Variants in TNPO1 observed in about 807,000 individuals in gnomAD.
TNPO1 encodes transportin-1.
In TNPO1, 8 loss-of-function variants were observed where a neutral mutation model predicts 119.5. That is an observed-to-expected ratio of 0.07 (90% CI 0.04 to 0.12). The LOEUF is 0.12. TNPO1 is among the 10% of genes least tolerant of loss of function. TNPO1 has a pLI of 1.00. For synonymous variants in TNPO1, 362 were observed against 363.0 expected, an observed-to-expected ratio of 1.00 and a Z score of 0.03; for missense variants, 576 against 1,089.8, an observed-to-expected ratio of 0.53 and a Z score of 6.64.
intron 1 of TNPO1, 48 bp downstream of exon 1, chr5:72,816,800 G>C: frequency 1.9e-6 from 3 of 1,555,392 alleles, no homozygotes; most frequent in Non-Finnish European, 2.6e-6. Flanking sequence ...GGCGGGAACG[G>C]AGGCTGGGAG....
At chr5:72,882,981 TG>T in intron 10 of TNPO1, 82 bp from the exon 11 acceptor site, 1 of 969,372 alleles carries the variant, frequency 1.0e-6, no homozygotes, top group Non-Finnish European at 1.6e-6. Context: ...ACCCCATCTC[TG>T]GATATTCTGT....
At chr5:72,883,743 GTTTGTTTT>G (rs1748419551) in intron 11 of TNPO1, among the ~76,000 whole-genome samples, 1 of 151,784 alleles carries the variant, frequency 6.6e-6, no homozygotes, top group Non-Finnish European at 1.5e-5. Flanking sequence ...TTGTTTGTTT[GTTTGTTTT>G]TTTGTTTTGA....
At chr5:72,846,165 A>G (rs562611608) in intron 1 of TNPO1, among the ~76,000 whole-genome samples, 6 of 152,334 alleles carry the variant, frequency 3.9e-5, no homozygotes, top group Admixed American at 2.6e-4. Flanking sequence ...TTTTTGGCCT[A>G]ATAACCCCAC....
intron 7 of TNPO1, 58 bp downstream of exon 7, chr5:72,872,778 A>T: frequency 9.5e-7 from 1 of 1,052,170 alleles, no homozygotes; most frequent in Non-Finnish European, 1.4e-6. Flanking sequence ...TGAGAAGGTT[A>T]GGTGATGCTA....
intron 1 of TNPO1, 63 bp from the exon 2 acceptor site, chr5:72,848,322 C>T (rs1163198457): frequency 2.0e-6 from 3 of 1,518,768 alleles, no homozygotes; most frequent in Admixed American, 3.9e-5. Flanking sequence ...CGGGAAGCCT[C>T]TGGGCCTGTG....
rs181020310 is a variant in TNPO1 at position 72,901,860 on chromosome 5, C to T, written c.2514+787C>T. On this transcript the variant is annotated intron_variant, in intron 22 of 24. Transcript: ENST00000337273. ...AGTTGAGGCCGAGGCAGGCAGATCACGAGGTCAGGAGTTCGAGACCAGCCT... is the reference window on the plus strand; with the variant it reads ...AGTTGAGGCCGAGGCAGGCAGATCATGAGGTCAGGAGTTCGAGACCAGCCT... Among the ~76,000 whole-genome samples the T allele has an allele frequency of 2.8e-4, 43 of 152,070 alleles. 1 individual carries two copies. The East Asian group carries it at 6.8e-3, about 24-fold the overall frequency.
chr5:72,894,173 G>A (rs1579924632), intron 18 of TNPO1, among the ~76,000 whole-genome samples: 1 of 152,244 alleles, frequency 6.6e-6, no homozygotes, highest in East Asian at 1.9e-4. Flanking sequence ...TGTAATGCCA[G>A]CACTTTGGGA....
At chr5:72,882,589 G>A (rs1748324398) in intron 10 of TNPO1, 62 bp downstream of exon 10, 2 of 1,239,962 alleles carry the variant, frequency 1.6e-6, no homozygotes, top group Non-Finnish European at 2.3e-6. Flanking sequence ...TACATCTTTG[G>A]ATTTGGCCAA....
In TNPO1 at chr5:72,910,098, A is replaced by G. The variant is rs1561370696; in HGVS notation, c.*1425A>G. On this transcript the variant is annotated 3_prime_UTR_variant, in exon 25 of 25. Transcript: ENST00000337273. ...AAGCTTCCCTTTTTTTGTTCAAAGC[A>G]TGATCTTAAAGATATGTTTAAGTTA... 3 of 152,612 alleles carry G rather than the reference A, an allele frequency of 2.0e-5. No individual in the cohort carries two copies. The highest frequency in any genetic ancestry group is 4.4e-5 in the Non-Finnish European group (3 of 68,026). 9.5% of individuals were successfully genotyped at this position (152,612 alleles called of 1,614,324 possible).
intron 5 of TNPO1, among the ~76,000 whole-genome samples, chr5:72,863,929 T>C (rs1746678099): frequency 6.6e-6 from 1 of 152,174 alleles, no homozygotes; most frequent in South Asian, 2.1e-4. Context: ...GCTGCAGTAA[T>C]TGTGAAATTG....
At chr5:72,897,409 A>G (rs763212763) in intron 20 of TNPO1, among the ~76,000 whole-genome samples, 4 of 152,116 alleles carry the variant, frequency 2.6e-5, no homozygotes, top group Non-Finnish European at 5.9e-5. Context: ...CCTGCAATGG[A>G]TCCCAGCAAA....
intron 1 of TNPO1, among the ~76,000 whole-genome samples, chr5:72,832,069 C>T (rs746537935): frequency 6.6e-6 from 1 of 151,982 alleles, no homozygotes; most frequent in East Asian, 1.9e-4. Context: ...ATAATACTCT[C>T]TTTTGTGTAT....
At chr5:72,842,948 TAA>T (rs748711444) in intron 1 of TNPO1, among the ~76,000 whole-genome samples, 1 of 152,180 alleles carries the variant, frequency 6.6e-6, no homozygotes, top group Non-Finnish European at 1.5e-5. Flanking sequence ...AGATTTCTGA[TAA>T]AGAGTCACTT....
At chr5:72,871,208 C>T (rs1400151414) in intron 6 of TNPO1, among the ~76,000 whole-genome samples, 1 of 152,116 alleles carries the variant, frequency 6.6e-6, no homozygotes, top group Admixed American at 6.5e-5. Flanking sequence ...AACTCCTGAC[C>T]TCAAGTGATC....
intron 9 of TNPO1, among the ~76,000 whole-genome samples, chr5:72,881,166 A>C (rs775326613): frequency 2.6e-5 from 4 of 151,964 alleles, no homozygotes; most frequent in Non-Finnish European, 1.5e-5. Context: ...GCTGGAGTGC[A>C]GTGGCGCGAT....
intron 9 of TNPO1, among the ~76,000 whole-genome samples, chr5:72,878,209 T>C (rs1415512254): frequency 1.3e-5 from 2 of 152,278 alleles, no homozygotes; most frequent in Non-Finnish European, 2.9e-5. Flanking sequence ...TGGCTTTTTT[T>C]CCCCTCATAA....
intron 15 of TNPO1, 97 bp from the exon 16 acceptor site, chr5:72,893,042 C>G: frequency 2.2e-6 from 2 of 889,280 alleles, no homozygotes; most frequent in Non-Finnish European, 3.5e-6. Flanking sequence ...AGAGCAAGCT[C>G]ATAAATGATC....
intron 11 of TNPO1, among the ~76,000 whole-genome samples, chr5:72,883,559 A>G (rs1748405139): frequency 4.6e-5 from 7 of 152,218 alleles, no homozygotes; most frequent in Admixed American, 4.6e-4. Context: ...AACTTAGCAT[A>G]AAGTTTTCAC....
At chr5:72,907,496 G>C (rs1207245483) in intron 24 of TNPO1, among the ~76,000 whole-genome samples, 2 of 152,164 alleles carry the variant, frequency 1.3e-5, no homozygotes, top group African/African-American at 4.8e-5. Flanking sequence ...ACTGCCCTCT[G>C]TGAATTCACA....
Sources: allele counts gnomAD v4.1 joint callset (sites outside exome capture counted in the v4.1 genomes callset), GRCh38; gene constraint gnomAD v4.1.1; transcripts MANE v1.5; gene names NCBI Gene and HGNC (gene_info 2026-07-23, HGNC 2026-07-21).